The following ENOX1 variants were observed in gnomAD, a reference collection of about 807,000 sequenced individuals.
ENOX1 encodes candidate growth-related and time keeping constitutive hydroquinone (NADH) oxidase.
ENOX1 carries 42 observed loss-of-function variants against 82.5 expected under a neutral mutation model. The observed-to-expected ratio is 0.51, with a 90% confidence interval of 0.40 to 0.66. ENOX1 has a LOEUF of 0.66. Among genes scored for constraint, ENOX1 ranks in the 30% least tolerant of loss-of-function variants. The probability of loss-of-function intolerance (pLI) is 0.00; values close to 1 mark genes in which losing one functional copy is unlikely to be tolerated. For synonymous variants in ENOX1, 271 were observed against 282.2 expected, an observed-to-expected ratio of 0.96 and a Z score of 0.40; for missense variants, 608 against 811.6, an observed-to-expected ratio of 0.75 and a Z score of 3.05.
chr13:43,701,365 A>T (rs190212722), intron 1 of ENOX1, among the ~76,000 whole-genome samples: 83 of 152,294 alleles, frequency 5.4e-4, no homozygotes, highest in Non-Finnish European at 1.0e-3. Flanking sequence ...ATTTCAGATG[A>T]CCACAGGTAC....
chr13:43,579,193 T>C (rs1191077566), intron 2 of ENOX1, among the ~76,000 whole-genome samples: 1 of 152,028 alleles, frequency 6.6e-6, no homozygotes, highest in Non-Finnish European at 1.5e-5. Context: ...CCATAATGGG[T>C]TGAAGTAGTA....
intron 1 of ENOX1, among the ~76,000 whole-genome samples, chr13:43,781,703 G>T (rs1952274593): frequency 6.6e-6 from 1 of 152,210 alleles, no homozygotes; most frequent in Non-Finnish European, 1.5e-5. Context: ...TAGAGACGGG[G>T]TTTCTCCATG....
At chr13:43,423,230 A>C (rs1028356079) in intron 3 of ENOX1, among the ~76,000 whole-genome samples, 1 of 152,176 alleles carries the variant, frequency 6.6e-6, no homozygotes. Context: ...AATCAACCAC[A>C]TACACAACCT....
chr13:43,374,573 T>C (rs1227284969), intron 5 of ENOX1, among the ~76,000 whole-genome samples: 2 of 152,364 alleles, frequency 1.3e-5, no homozygotes, highest in East Asian at 3.9e-4. Flanking sequence ...TTAAGTATTT[T>C]CTGCCCAGTT....
At chr13:43,604,825 TC>T (rs1338245761) in intron 2 of ENOX1, among the ~76,000 whole-genome samples, 1 of 152,140 alleles carries the variant, frequency 6.6e-6, no homozygotes, top group Non-Finnish European at 1.5e-5. Context: ...GGGGAATAAG[TC>T]AAATTTTTTG....
rs753536376 is a variant in ENOX1, at chr13:43,359,661, C to T, written c.589+190G>A. ...AAAGACTGGATGGTGGGAAATTGCT[C>T]CTGCAGTGAAGTACCTTCACAGGCT... On this transcript the variant is annotated intron_variant, in intron 7 of 16. Transcript: ENST00000690772. 5.3e-4 allele frequency: 309 copies of T among 587,330 alleles called. 1 individual carries two copies. In the Middle Eastern group the frequency reaches 7.4e-3, roughly 14 times the overall value. 36.4% of individuals were successfully genotyped at this position (587,330 alleles called of 1,614,324 possible).
intron 2 of ENOX1, among the ~76,000 whole-genome samples, chr13:43,513,271 T>C (rs2077438436): frequency 6.6e-6 from 1 of 152,062 alleles, no homozygotes; most frequent in Non-Finnish European, 1.5e-5. Flanking sequence ...ATCACGCCAC[T>C]GCACTCCAGC....
Position 43,268,133 on chromosome 13 carries a change from A to T in ENOX1, c.1554+1337T>A, listed in dbSNP as rs7998689. Among the ~76,000 whole-genome samples the T allele has an allele frequency of 9.5e-3, 1,451 of 152,232 alleles. 19 individuals are homozygous for T. The highest frequency in any genetic ancestry group is 0.027 in the African/African-American group (1,124 of 41,514). ...TTTGAGTCATTTAGAGAAAAGAGAA[A>T]TTCACCCCTCCCCACTCTAGTCAAA... On this transcript the variant is annotated intron_variant, in intron 13 of 16. Transcript: ENST00000690772.
Position 43,334,513 on chromosome 13 carries a change from A to G in ENOX1, c.1037-7988T>C, listed in dbSNP as rs530064944. 2.0e-5 allele frequency among the ~76,000 whole-genome samples: 3 copies of G among 152,308 alleles called. No individual in the cohort carries two copies. The South Asian group carries it at 6.2e-4, about 32-fold the overall frequency. On this transcript the variant is annotated intron_variant, in intron 9 of 16. Coordinates refer to ENST00000690772, the MANE Select transcript of ENOX1 (RefSeq NM_001347969.2). ...AACATATATATGATTGAATCGCAAG[A>G]TGAGAATTGCTTAAGAGAGCTGCAG...
chr13:43,695,806 C>T (rs2086614167), intron 1 of ENOX1, among the ~76,000 whole-genome samples: 1 of 152,068 alleles, frequency 6.6e-6, no homozygotes, highest in African/African-American at 2.4e-5. Flanking sequence ...ATCCTCATAC[C>T]CTAAATATTC....
intron 2 of ENOX1, among the ~76,000 whole-genome samples, chr13:43,515,120 C>CA (rs1327308268): frequency 3.9e-5 from 6 of 152,118 alleles, no homozygotes; most frequent in African/African-American, 1.4e-4. Context: ...GTCACGCAAC[C>CA]AGTACACGGC....
At chr13:43,465,180 G>A (rs1244530080) in intron 3 of ENOX1, among the ~76,000 whole-genome samples, 3 of 152,072 alleles carry the variant, frequency 2.0e-5, no homozygotes, top group Non-Finnish European at 2.9e-5. Flanking sequence ...CACATTTAAG[G>A]GGGAGGGTAA....
At chr13:43,781,341 G>A (rs1004970034) in intron 1 of ENOX1, among the ~76,000 whole-genome samples, 3 of 152,168 alleles carry the variant, frequency 2.0e-5, no homozygotes, top group Non-Finnish European at 4.4e-5. Flanking sequence ...CGTAGGTACC[G>A]GGCACTGTTC....
At chr13:43,664,497 C>G (rs2084882502) in intron 2 of ENOX1, among the ~76,000 whole-genome samples, 1 of 152,190 alleles carries the variant, frequency 6.6e-6, no homozygotes, top group African/African-American at 2.4e-5. Flanking sequence ...TATTTTGGGA[C>G]AGCTGAATTA....
Position 43,469,816 on chromosome 13 carries a change from T to C in ENOX1, c.-75+14193A>G, listed in dbSNP as rs544342998. 5.9e-5 allele frequency among the ~76,000 whole-genome samples: 9 copies of C among 151,930 alleles called. No homozygotes were observed. In the East Asian group the frequency reaches 1.7e-3, roughly 29 times the overall value. The stretch of plus-strand genomic sequence containing the variant: ...AGGAACTAGGATATACAAACCAATT[T>C]TGTAAAAAACAAAAAAAGAACAAAG... On this transcript the variant is annotated intron_variant, in intron 3 of 16. Transcript: ENST00000690772.
At chr13:43,699,413 T>C (rs2086801670) in intron 1 of ENOX1, among the ~76,000 whole-genome samples, 2 of 152,202 alleles carry the variant, frequency 1.3e-5, no homozygotes, top group African/African-American at 4.8e-5. Context: ...AGAGGGCAGA[T>C]ATGCAACAGA....
chr13:43,322,188 C>A (rs1186750662), intron 11 of ENOX1, among the ~76,000 whole-genome samples, 196 bp downstream of exon 11: 1 of 152,166 alleles, frequency 6.6e-6, no homozygotes, highest in Non-Finnish European at 1.5e-5. Flanking sequence ...TACGGAGAAA[C>A]AACTGGAGCA....
Position 43,661,822 on chromosome 13 carries a change from T to C in ENOX1, c.-219+5657A>G, listed in dbSNP as rs189539198. On this transcript the variant is annotated intron_variant, in intron 2 of 16. Transcript: ENST00000690772. ...AGTGAAGTAGTTTTTAAACTAAATCTGTGATATCATTTGGTTTTCAATTCA... is the reference window on the plus strand; with the variant it reads ...AGTGAAGTAGTTTTTAAACTAAATCCGTGATATCATTTGGTTTTCAATTCA... Among the ~76,000 whole-genome samples the C allele has an allele frequency of 1.9e-3, 290 of 152,342 alleles. 3 individuals are homozygous for C. The highest frequency in any genetic ancestry group is 2.5e-3 in the Non-Finnish European group (167 of 68,032).
intron 1 of ENOX1, among the ~76,000 whole-genome samples, chr13:43,752,343 T>A (rs953889757): frequency 9.2e-5 from 14 of 152,324 alleles, no homozygotes; most frequent in African/African-American, 3.4e-4. Context: ...CTTTGCATTC[T>A]CTTAGTACTA....
Sources: gnomAD v4.1 joint callset for allele counts (sites outside exome capture counted in the v4.1 genomes callset) on GRCh38, gnomAD v4.1.1 for gene constraint, MANE v1.5 for transcripts, NCBI Gene and HGNC (gene_info 2026-07-23, HGNC 2026-07-21) for gene names.